The following CLDN14 variants were observed in gnomAD, a reference collection of about 807,000 sequenced individuals.
CLDN14 encodes the protein claudin-14.
CLDN14 carries 2 observed loss-of-function variants against 2.1 expected under a neutral mutation model. The observed-to-expected ratio is 0.96, with a 90% CI of 0.39 to 3.01. CLDN14 has a LOEUF of 3.01. Among genes scored for constraint, CLDN14 ranks in the 30% most tolerant of loss-of-function variants. The pLI is 0.09. For missense variants in CLDN14, 298 were observed against 328.0 expected (o/e 0.91, Z 0.71); for synonymous variants, 136 against 154.4 (o/e 0.88, Z 0.88).
chr21:36,528,719 C>T (rs1247624317), intron 1 of CLDN14, among the ~76,000 whole-genome samples: 1 of 152,214 alleles, frequency 6.6e-6, no homozygotes, highest in Admixed American at 6.5e-5. Context: ...GCTGGCTGCT[C>T]GCAAGTTGCT....
chr21:36,486,408 T>A lies in CLDN14; in HGVS notation c.-82+23955A>T, dbSNP rs555757364. The A allele has an allele frequency of 1.0e-4, 121 of 1,215,046 alleles. 1 individual carries two copies. The South Asian group carries it at 1.4e-3, about 14-fold the overall frequency. 75.3% of individuals were successfully genotyped at this position (1,215,046 alleles called of 1,614,324 possible). On this transcript the variant is annotated intron_variant, in intron 2 of 2. Coordinates refer to the CLDN14 transcript ENST00000342108. ...TGCAGCTGCTCGTCTGGGCTCCTCA[T>A]CCTGCCGCTGCTGCTGCTCCTCCAT...
intron 1 of CLDN14, among the ~76,000 whole-genome samples, chr21:36,537,251 A>G (rs902247502): frequency 9.2e-5 from 14 of 151,770 alleles, no homozygotes; most frequent in East Asian, 3.9e-4. Context: ...GAGAGAGAGA[A>G]AAAAAAATCC....
chr21:36,476,449 A>C (rs1251145576), intron 1 of CLDN14, among the ~76,000 whole-genome samples: 1 of 135,268 alleles, frequency 7.4e-6, no homozygotes, highest in African/African-American at 2.6e-5. Flanking sequence ...ATTTTAATGG[A>C]TGACTATTTT....
At chr21:36,575,100 T>C (rs1242068625) in intron 1 of CLDN14, among the ~76,000 whole-genome samples, 1 of 152,250 alleles carries the variant, frequency 6.6e-6, no homozygotes, top group African/African-American at 2.4e-5. Context: ...TATTCTCTTT[T>C]TATGGAATTG....
chr21:36,523,761 A>AAAAGAAAAAAAGAG (rs1568868797), intron 1 of CLDN14, among the ~76,000 whole-genome samples: 1 of 47,978 alleles, frequency 2.1e-5, no homozygotes, highest in Non-Finnish European at 4.6e-5. Context: ...AAAAAAAAAA[A>AAAAGAAAAAAAGAG]AGAAAGAAAG....
rs183231465 is a variant in CLDN14 at position 36,559,440 on chromosome 21, G to T, written c.-220+16971C>A. ...TTGAACTCCTGACCTCAGGTGACCC[G>T]CCCACCTTGGCCCCACAAAGTGCTG... On this transcript the variant is annotated intron_variant, in intron 1 of 2. Transcript: ENST00000342108. Among the ~76,000 whole-genome samples the T allele has an allele frequency of 2.0e-5, 3 of 152,078 alleles. No individual in the cohort carries two copies. In the East Asian group the frequency reaches 5.8e-4, roughly 29 times the overall value.
intron 2 of CLDN14, among the ~76,000 whole-genome samples, chr21:36,489,601 C>T (rs760110874): frequency 5.3e-5 from 8 of 152,160 alleles, no homozygotes; most frequent in Non-Finnish European, 7.3e-5. Context: ...CCGGGGACGA[C>T]GGCAGAGTCA....
At chr21:36,476,181 C>T (rs219748) in intron 1 of CLDN14, among the ~76,000 whole-genome samples, 62,065 of 152,008 alleles carry the variant, frequency 0.41, 14,901 homozygotes, top group African/African-American at 0.68. Flanking sequence ...CCACTCCCTT[C>T]GCTTGAAATC....
At chr21:36,550,099 G>A (rs1158899719) in intron 1 of CLDN14, among the ~76,000 whole-genome samples, 1 of 152,186 alleles carries the variant, frequency 6.6e-6, no homozygotes, top group Non-Finnish European at 1.5e-5. Context: ...GTTGAAGGCT[G>A]CCTTTTAGAA....
chr21:36,549,477 C>T (rs1429945637), intron 1 of CLDN14, among the ~76,000 whole-genome samples: 1 of 152,214 alleles, frequency 6.6e-6, no homozygotes, highest in Non-Finnish European at 1.5e-5. Flanking sequence ...GGCAGGTGTG[C>T]AGCTTTCTCA....
At chr21:36,573,676 G>T (rs2087724227) in intron 1 of CLDN14, among the ~76,000 whole-genome samples, 1 of 152,016 alleles carries the variant, frequency 6.6e-6, no homozygotes, top group African/African-American at 2.4e-5. Context: ...AAAAATCTAT[G>T]AATCTACAAA....
chr21:36,535,868 G>A (rs908273454), intron 1 of CLDN14, among the ~76,000 whole-genome samples: 1 of 152,192 alleles, frequency 6.6e-6, no homozygotes, highest in Non-Finnish European at 1.5e-5. Flanking sequence ...AACCCTTCGG[G>A]TTAGCCACAG....
intron 2 of CLDN14, chr21:36,486,895 G>T: frequency 1.5e-6 from 1 of 655,462 alleles, no homozygotes. Context: ...GATGCGGCCG[G>T]TGTCTAGAGT....
chr21:36,495,516 T>G (rs2087007898), intron 2 of CLDN14, among the ~76,000 whole-genome samples: 1 of 152,168 alleles, frequency 6.6e-6, no homozygotes, highest in African/African-American at 2.4e-5. Context: ...CCCATTTGAG[T>G]TTTGAAGTCT....
At chr21:36,485,888 G>T (rs1601604548) in intron 2 of CLDN14, 2 of 620,318 alleles carry the variant, frequency 3.2e-6, no homozygotes, top group Non-Finnish European at 2.7e-6. Context: ...GCTTTATTTA[G>T]GCTGTAATGG....
intron 1 of CLDN14, among the ~76,000 whole-genome samples, chr21:36,522,362 C>T (rs761844709): frequency 2.0e-5 from 3 of 152,192 alleles, no homozygotes; most frequent in Non-Finnish European, 4.4e-5. Context: ...TGACTTGGCG[C>T]AAATGTTCTT....
Position 36,499,185 on chromosome 21 carries a change from C to T in CLDN14, c.-82+11178G>A, listed in dbSNP as rs533265842. ...TCGGTTTTGTGGGGGCAATGAACCC[C>T]GCAACTGCGGGAAACTGACCTTCAG... is the stretch of plus-strand genomic sequence containing the variant. On this transcript the variant is annotated intron_variant, in intron 2 of 2. Coordinates refer to the CLDN14 transcript ENST00000342108. This position sits in a 1 kb window ranked among gnomAD's most constrained non-coding sequence, Gnocchi z 4.7. Among the ~76,000 whole-genome samples the T allele has an allele frequency of 4.6e-5, 7 of 152,204 alleles. No individual in the cohort carries two copies. Among genetic ancestry groups the T allele is most frequent in the African/African-American group, 7.2e-5 (3 of 41,446 alleles).
At chr21:36,565,605 C>T (rs1462033959) in intron 1 of CLDN14, among the ~76,000 whole-genome samples, 1 of 152,108 alleles carries the variant, frequency 6.6e-6, no homozygotes, top group Non-Finnish European at 1.5e-5. Flanking sequence ...GCGGAGTTGG[C>T]AAGAGATGTC....
intron 1 of CLDN14, among the ~76,000 whole-genome samples, chr21:36,513,532 C>G (rs116818646): frequency 2.1e-3 from 319 of 152,300 alleles, no homozygotes; most frequent in African/African-American, 7.5e-3. Flanking sequence ...GTGGGGATAT[C>G]TATTACCTTC....
Sources: gnomAD v4.1 joint callset for allele counts (sites outside exome capture counted in the v4.1 genomes callset) on GRCh38, gnomAD v4.1.1 for gene constraint, Gnocchi (gnomAD v3.1) non-coding constraint, MANE v1.5 for transcripts, NCBI Gene and HGNC (gene_info 2026-07-23, HGNC 2026-07-21) for gene names.